Variants in EXOC1 observed in about 807,000 individuals in gnomAD.
EXOC1 encodes exocyst complex component 1, also known as SEC3-like 1.
A neutral mutation model predicts 107.7 loss-of-function variants in EXOC1; 67 were observed. The ratio of observed to expected loss-of-function variants is 0.62; its 90% CI spans 0.51 to 0.76. EXOC1 has a LOEUF of 0.76. Ranked by LOEUF, EXOC1 falls within the 30% of genes least tolerant of loss-of-function variation. EXOC1 has a pLI of 0.00. For synonymous variants in EXOC1, 348 were observed against 353.5 expected (o/e 0.98, Z 0.17); for missense variants, 833 against 1,055.7 (o/e 0.79, Z 2.92).
chr4:55,875,642 G>C (rs1722828753), intron 8 of EXOC1: 1 of 985,272 alleles, frequency 1.0e-6, no homozygotes, highest in Non-Finnish European at 1.2e-6. Flanking sequence ...TTGAATCATT[G>C]AGAAAAATTA....
At chr4:55,861,944 C>T (rs1368135334) in intron 3 of EXOC1, among the ~76,000 whole-genome samples, 1 of 152,124 alleles carries the variant, frequency 6.6e-6, no homozygotes, top group Non-Finnish European at 1.5e-5. Context: ...GTCCCAGCTT[C>T]TTGGGAGGCT....
Position 55,893,697 on chromosome 4 carries a change from CA to C in EXOC1, c.1874del (p.Asn625MetfsTer8). On this transcript the variant is annotated frameshift_variant, in exon 15 of 19. Coordinates refer to ENST00000381295, the MANE Select transcript of EXOC1 (RefSeq NM_001024924.2). LOFTEE classifies it high-confidence loss of function. ...AATGAGTCATCATGTGTGGACTGCA[CA>C]AAATGTGGACCCTGCTTCTTTCCTA... ...VKMSHHVWTAQNVDPASFLST... is the reference protein window; with the variant it reads ...VKMSHHVWTAXNVDPASFLST... 6.2e-7 allele frequency: 1 copy of C among 1,614,108 alleles called. No homozygotes were observed. The highest frequency in any genetic ancestry group is 8.5e-7 in the Non-Finnish European group (1 of 1,180,014).
chr4:55,870,128 A>G (rs2110333551), intron 5 of EXOC1, among the ~76,000 whole-genome samples: 1 of 152,322 alleles, frequency 6.6e-6, no homozygotes, highest in East Asian at 1.9e-4. Flanking sequence ...ATGCTCTTCT[A>G]CATCCTGTTA....
chr4:55,893,501 T>G (rs763932057), intron 14 of EXOC1, 51 bp from the exon 15 acceptor site: 28 of 1,511,430 alleles, frequency 1.9e-5, no homozygotes, highest in Non-Finnish European at 2.5e-5. Context: ...TAACGGTGAA[T>G]TCACCTGAAG....
At chr4:55,855,739 A>G (rs896197601) in intron 1 of EXOC1, among the ~76,000 whole-genome samples, 6 of 152,210 alleles carry the variant, frequency 3.9e-5, no homozygotes, top group African/African-American at 1.4e-4. Flanking sequence ...AGAGAATTCT[A>G]GGAAAAGAAG....
At position 55,860,626 on chromosome 4, in the gene EXOC1, A is replaced by T. The variant is rs1296343609; in HGVS notation, c.255+85A>T. On this transcript the variant is annotated intron_variant, in intron 3 of 18. Coordinates refer to ENST00000381295, the MANE Select transcript of EXOC1 (RefSeq NM_001024924.2). The stretch of plus-strand genomic sequence containing the variant: ...GTATTACATATTCTAAAATGATCTA[A>T]AAACAAATTAATATATATGTTTGTT... 1.5e-5 allele frequency: 22 copies of T among 1,463,298 alleles called. No individual in the cohort carries two copies. The Admixed American group carries it at 4.7e-4, about 31-fold the overall frequency. The allele number at this position is 1,463,298 out of a possible 1,614,324, so 90.6% of individuals were successfully genotyped here.
chr4:55,858,123 T>A (rs1721163551), intron 1 of EXOC1, among the ~76,000 whole-genome samples, 191 bp from the exon 2 acceptor site: 1 of 152,224 alleles, frequency 6.6e-6, no homozygotes, highest in Non-Finnish European at 1.5e-5. Context: ...ATTTTAGAGT[T>A]TGATAACACT....
In EXOC1 at chr4:55,899,776, G is replaced by GA; in HGVS notation, c.2233dup (p.Ile745AsnfsTer32). The stretch of plus-strand genomic sequence containing the variant: ...ATATTTTTGCAACTCTTTCTCGATT[G>GA]AAAATCTCATGTCTAGAAGCAGAAA... On this transcript the variant is annotated frameshift_variant, in exon 17 of 19. Transcript: ENST00000381295. LOFTEE classifies it high-confidence loss of function. 6.2e-7 allele frequency: 1 copy of GA among 1,613,564 alleles called. No homozygotes were observed. The highest frequency in any genetic ancestry group is 8.5e-7 in the Non-Finnish European group (1 of 1,179,730).
intron 8 of EXOC1, among the ~76,000 whole-genome samples, chr4:55,874,735 A>C (rs1722740758): frequency 6.6e-6 from 1 of 152,112 alleles, no homozygotes; most frequent in Admixed American, 6.6e-5. Flanking sequence ...TTACACACTC[A>C]ACTTCCCCTG....
intron 3 of EXOC1, among the ~76,000 whole-genome samples, chr4:55,860,958 CAAA>C (rs749255857): frequency 2.6e-4 from 19 of 72,812 alleles, no homozygotes; most frequent in Admixed American, 2.7e-4. Context: ...GTTTGTGGAT[CAAA>C]AAAAAAAAAA....
intron 3 of EXOC1, among the ~76,000 whole-genome samples, chr4:55,863,197 G>A (rs970480425): frequency 2.6e-5 from 4 of 151,864 alleles, no homozygotes; most frequent in African/African-American, 9.7e-5. Flanking sequence ...ACCAAGCCCA[G>A]CCTGTTTTTT....
chr4:55,870,744 G>T lies in EXOC1; in HGVS notation c.670G>T (p.Ala224Ser), dbSNP rs1577709855. The part of the protein sequence containing the change: ...VNILMKLLDE[A>S]LKEVDQIELK... Reference sequence around the variant, plus strand: ...CATCCTGATGAAATTGCTAGATGAGGCTCTAAAGGAGGTAGATCAGATTGA... The same window carrying T: ...CATCCTGATGAAATTGCTAGATGAGTCTCTAAAGGAGGTAGATCAGATTGA... The change falls in exon 6 of 19, where the codon GCT (alanine) becomes TCT (serine). Residue 224 changes from alanine (A) to serine (S), a missense_variant. By Grantham distance (99) the Ala-to-Ser change is moderately conservative. Transcript: ENST00000381295. The T allele has an allele frequency of 3.1e-6, 5 of 1,613,842 alleles. No homozygotes were observed. The highest frequency in any genetic ancestry group is 4.2e-6 in the Non-Finnish European group (5 of 1,179,878).
chr4:55,882,185 G>T (rs1408416978), intron 9 of EXOC1, among the ~76,000 whole-genome samples: 1 of 152,068 alleles, frequency 6.6e-6, no homozygotes. Flanking sequence ...CTGACACCCA[G>T]GCTGGAATGC....
intron 9 of EXOC1, among the ~76,000 whole-genome samples, chr4:55,879,864 A>G (rs931777423): frequency 2.0e-4 from 30 of 152,218 alleles, no homozygotes; most frequent in African/African-American, 7.0e-4. Flanking sequence ...GTTTAAAAAT[A>G]AGAAATCTAA....
intron 18 of EXOC1, among the ~76,000 whole-genome samples, chr4:55,903,148 A>T (rs1393512250): frequency 1.8e-5 from 2 of 109,028 alleles, no homozygotes; most frequent in South Asian, 2.6e-4. Flanking sequence ...TGTCTCAATT[A>T]AAAAAAAAAA....
chr4:55,892,339 C>A (rs1010593282), intron 13 of EXOC1, among the ~76,000 whole-genome samples: 3 of 152,068 alleles, frequency 2.0e-5, no homozygotes, highest in African/African-American at 7.2e-5. Context: ...GCTGCCCCCA[C>A]TCCCACACCT....
At chr4:55,891,897 G>T (rs1361262275) in intron 13 of EXOC1, among the ~76,000 whole-genome samples, 2 of 152,170 alleles carry the variant, frequency 1.3e-5, no homozygotes, top group Non-Finnish European at 2.9e-5. Flanking sequence ...TCTTAAGCCA[G>T]TTATTCGATC....
At chr4:55,864,441 A>G (rs577784233) in intron 4 of EXOC1, 55 bp downstream of exon 4, 1 of 1,369,878 alleles carries the variant, frequency 7.3e-7, no homozygotes, top group African/African-American at 1.5e-5. Context: ...AAGTGAATAT[A>G]TAATTTGACA....
chr4:55,890,702 C>A (rs1724429605), intron 12 of EXOC1, among the ~76,000 whole-genome samples: 1 of 152,050 alleles, frequency 6.6e-6, no homozygotes, highest in African/African-American at 2.4e-5. Flanking sequence ...TGATGCTGGC[C>A]TTTCTCTGTA....
Sources: gnomAD v4.1 joint callset for allele counts (sites outside exome capture counted in the v4.1 genomes callset) on GRCh38, gnomAD v4.1.1 for gene constraint, MANE v1.5 for transcripts, NCBI Gene and HGNC (gene_info 2026-07-23, HGNC 2026-07-21) for gene names.